The following TNIP1 variants were observed in gnomAD, a reference collection of about 807,000 sequenced individuals.
TNIP1 encodes TNFAIP3-interacting protein 1.
A neutral mutation model predicts 86.6 loss-of-function variants in TNIP1; 22 were observed. The observed-to-expected ratio is 0.25, with a 90% CI of 0.18 to 0.36. The LOEUF (loss-of-function observed/expected upper bound fraction) is 0.36. TNIP1 is among the 10% of genes least tolerant of loss of function. TNIP1 has a pLI of 1.00. For synonymous variants in TNIP1, 294 were observed against 313.0 expected (o/e 0.94, Z 0.64); for missense variants, 709 against 820.6 (o/e 0.86, Z 1.66).
intron 4 of TNIP1, among the ~76,000 whole-genome samples, chr5:151,060,745 A>G (rs1761456447): frequency 6.6e-6 from 1 of 152,216 alleles, no homozygotes; most frequent in South Asian, 2.1e-4. Flanking sequence ...TGACCCATGG[A>G]GTGGGTCAGA....
At chr5:151,067,689 C>A (rs1338106001) in intron 1 of TNIP1, among the ~76,000 whole-genome samples, 1 of 152,146 alleles carries the variant, frequency 6.6e-6, no homozygotes, top group Non-Finnish European at 1.5e-5. Context: ...ATCCTGTGTG[C>A]CAGGGTATCT....
chr5:151,056,910 C>T lies in TNIP1; in HGVS notation c.483G>A (p.Leu161=), dbSNP rs184516443. 230 of 1,591,920 alleles carry T rather than the reference C, an allele frequency of 1.4e-4. No individual in the cohort carries two copies. In the East Asian group the frequency reaches 5.1e-3, roughly 35 times the overall value. ...PREDGNLMLH[L]QRLETTLSVC... ...CACTCAGCGTGGTCTCCAGGCGCTGCAGGTGCAGCATCAGGTTGCCGTCCT... is the reference window on the plus strand; with the variant it reads ...CACTCAGCGTGGTCTCCAGGCGCTGTAGGTGCAGCATCAGGTTGCCGTCCT... The change falls in exon 6 of 18, where the codon CTG becomes CTA. Residue 161 remains leucine (L), a synonymous_variant. Coordinates refer to ENST00000521591, the MANE Select transcript of TNIP1 (RefSeq NM_006058.5).
chr5:151,045,782 G>A, intron 9 of TNIP1, 79 bp downstream of exon 9: 1 of 1,446,670 alleles, frequency 6.9e-7, no homozygotes, highest in Non-Finnish European at 9.7e-7. Flanking sequence ...CCAGAGCCAG[G>A]AGGCCAGGGC....
At chr5:151,062,321 C>A in intron 3 of TNIP1, 109 bp from the exon 4 acceptor site, 2 of 1,001,568 alleles carry the variant, frequency 2.0e-6, no homozygotes, top group East Asian at 2.6e-5. Context: ...GGATTCCCCA[C>A]TCGAGTGTGG....
intron 7 of TNIP1, among the ~76,000 whole-genome samples, chr5:151,050,902 A>G (rs973471551): frequency 2.6e-5 from 4 of 152,038 alleles, no homozygotes; most frequent in African/African-American, 9.7e-5. Flanking sequence ...TCTCAAACTC[A>G]TGGACTCAAA....
At chr5:151,063,060 ACTT>A (rs1380913919) in intron 3 of TNIP1, among the ~76,000 whole-genome samples, 1 of 152,166 alleles carries the variant, frequency 6.6e-6, no homozygotes, top group Non-Finnish European at 1.5e-5. Flanking sequence ...CATACATGGG[ACTT>A]CAACCCCGAG....
At chr5:151,080,693 G>T (rs1317834368) in intron 1 of TNIP1, among the ~76,000 whole-genome samples, 187 bp downstream of exon 1, 1 of 152,198 alleles carries the variant, frequency 6.6e-6, no homozygotes, top group African/African-American at 2.4e-5. Context: ...CAGGCCCAGC[G>T]CCAAGCAGGG....
At chr5:151,073,314 AG>A (rs1232837169) in intron 1 of TNIP1, among the ~76,000 whole-genome samples, 2 of 152,018 alleles carry the variant, frequency 1.3e-5, no homozygotes, top group African/African-American at 2.4e-5. Flanking sequence ...TACCCTATCT[AG>A]GAATCTAGAG....
At chr5:151,058,803 A>T (rs954354728) in intron 5 of TNIP1, among the ~76,000 whole-genome samples, 1 of 152,178 alleles carries the variant, frequency 6.6e-6, no homozygotes. Flanking sequence ...TTGCCCTGTA[A>T]GTCAGTGGCA....
At chr5:151,076,289 G>A (rs1427515384) in intron 1 of TNIP1, among the ~76,000 whole-genome samples, 1 of 152,226 alleles carries the variant, frequency 6.6e-6, no homozygotes, top group Non-Finnish European at 1.5e-5. Context: ...GAGGATGCCT[G>A]GATACCCTCC....
intron 8 of TNIP1, among the ~76,000 whole-genome samples, chr5:151,047,185 C>A (rs965428122): frequency 2.3e-4 from 35 of 152,184 alleles, no homozygotes; most frequent in African/African-American, 8.2e-4. Flanking sequence ...ATCATGTACC[C>A]CTGGTCTGCT....
chr5:151,068,086 G>A (rs1033388096), intron 1 of TNIP1, among the ~76,000 whole-genome samples: 1 of 152,214 alleles, frequency 6.6e-6, no homozygotes, highest in African/African-American at 2.4e-5. Flanking sequence ...TTAGCCTCAG[G>A]GGGCAGAGCT....
upstream of TNIP1, among the ~76,000 whole-genome samples, chr5:151,084,431 C>G (rs1764196854): frequency 7.5e-6 from 1 of 133,930 alleles, no homozygotes; most frequent in Non-Finnish European, 1.5e-5. Flanking sequence ...GGGACAAGAG[C>G]AAGACTTCGT....
chr5:151,030,575 T>C lies in TNIP1; in HGVS notation c.*138A>G. 7.0e-7 allele frequency: 1 copy of C among 1,434,864 alleles called. No individual in the cohort carries two copies. The highest frequency in any genetic ancestry group is 9.6e-7 in the Non-Finnish European group (1 of 1,040,224). The allele number at this position is 1,434,864 out of a possible 1,614,324, so 88.9% of individuals were successfully genotyped here. ...AAACAGCTCAGTTCAGGGACTGGTG[T>C]ACAAGCTGGCCACCCATCTCAGCCT... On this transcript the variant is annotated 3_prime_UTR_variant, in exon 18 of 18. Transcript: ENST00000521591.
At chr5:151,034,251 A>G (rs149507718) in intron 15 of TNIP1, among the ~76,000 whole-genome samples, 6,539 of 117,136 alleles carry the variant, frequency 0.056, 217 homozygotes, top group Middle Eastern at 0.1. Context: ...GGGCACGGAA[A>G]GCTAGTACAT....
chr5:151,051,180 G>A (rs1017137161), intron 7 of TNIP1, among the ~76,000 whole-genome samples: 3 of 152,116 alleles, frequency 2.0e-5, no homozygotes, highest in Non-Finnish European at 4.4e-5. Flanking sequence ...CCATCCAAAA[G>A]CAAATAAATT....
chr5:151,061,898 A>G (rs1013415271), intron 4 of TNIP1, among the ~76,000 whole-genome samples: 5 of 152,188 alleles, frequency 3.3e-5, no homozygotes, highest in African/African-American at 1.2e-4. Flanking sequence ...AAGTGAGAAG[A>G]ATTCCTTGTA....
chr5:151,067,550 T>G (rs1332739841), intron 1 of TNIP1, among the ~76,000 whole-genome samples: 1 of 152,222 alleles, frequency 6.6e-6, no homozygotes, highest in African/African-American at 2.4e-5. Context: ...TCCTGGTTCT[T>G]GTCCACCATT....
intron 13 of TNIP1, among the ~76,000 whole-genome samples, chr5:151,035,920 G>A (rs1019298769): frequency 2.0e-5 from 3 of 152,162 alleles, no homozygotes; most frequent in African/African-American, 7.2e-5. Flanking sequence ...TTCAAGCTAG[G>A]ACTTTATTTG....
Sources: gnomAD v4.1 joint callset for allele counts (sites outside exome capture counted in the v4.1 genomes callset) on GRCh38, gnomAD v4.1.1 for gene constraint, MANE v1.5 for transcripts, NCBI Gene and HGNC (gene_info 2026-07-23, HGNC 2026-07-21) for gene names.